The following CPXM2 variants were observed in gnomAD, a reference collection of about 807,000 sequenced individuals.
CPXM2 encodes the protein inactive carboxypeptidase-like protein X2.
CPXM2 carries 66 observed loss-of-function variants against 86.1 expected under a neutral mutation model. That is an observed-to-expected ratio of 0.77 (90% CI 0.63 to 0.94). The LOEUF (loss-of-function observed/expected upper bound fraction) is 0.94. Among genes scored for constraint, CPXM2 ranks in the 40% least tolerant of loss-of-function variants. The pLI is 0.00. For missense variants in CPXM2, 948 were observed against 1,026.3 expected, an observed-to-expected ratio of 0.92 and a Z score of 1.04; for synonymous variants, 388 against 400.2, an observed-to-expected ratio of 0.97 and a Z score of 0.36.
Position 123,904,899 on chromosome 10 carries a change from C to T in CPXM2, n.175-24590G>A, listed in dbSNP as rs79334702. On this transcript the variant is annotated intron_variant and non_coding_transcript_variant, in intron 2 of 19. Coordinates refer to the CPXM2 transcript ENST00000368854. ...ATCCCACCCACCCACCTGGAGGGCC[C>T]GAGCTCTGCATCACACCTGCATCCT... Among the ~76,000 whole-genome samples the T allele has an allele frequency of 1.7e-3, 229 of 136,860 alleles. 4 individuals carry two copies. The highest frequency in any genetic ancestry group is 3.8e-3 in the South Asian group (16 of 4,182). 89.8% of individuals were successfully genotyped at this position (136,860 alleles called of 152,430 possible).
chr10:123,844,472 C>T (rs992284107), intron 3 of CPXM2, among the ~76,000 whole-genome samples: 1 of 151,962 alleles, frequency 6.6e-6, no homozygotes, highest in African/African-American at 2.4e-5. Context: ...CACACCAATG[C>T]CCCTAACAGA....
chr10:123,940,477 C>A (rs1276249850), upstream of CPXM2, among the ~76,000 whole-genome samples: 2 of 152,188 alleles, frequency 1.3e-5, no homozygotes, highest in Admixed American at 6.5e-5. Flanking sequence ...AGGGAGCGCC[C>A]AAGCCTGGGA....
rs140682571 is a variant in CPXM2, at chr10:123,908,555, C to T, written n.175-28246G>A. On this transcript the variant is annotated intron_variant and non_coding_transcript_variant, in intron 2 of 19. Coordinates refer to the CPXM2 transcript ENST00000368854. The stretch of plus-strand genomic sequence containing the variant: ...GACAGACATGCAGATGAGGACCACC[C>T]TCCCAGGAGGTCAAGGCTACCATGG... Among the ~76,000 whole-genome samples the T allele has an allele frequency of 7.9e-5, 12 of 152,286 alleles. 1 individual carries two copies. The East Asian group carries it at 2.1e-3, about 27-fold the overall frequency.
exon 1 of CPXM2, chr10:123,940,211 C>T (rs1945761701): frequency 6.6e-6 from 1 of 152,334 alleles, no homozygotes; most frequent in Admixed American, 6.5e-5. Flanking sequence ...CCTGATGCTT[C>T]TTCTTCCCTG....
chr10:123,867,527 C>CTTTTTTTTTTTTTTTTTTTTTTTTTTT, intron 2 of CPXM2, among the ~76,000 whole-genome samples: 1 of 92,924 alleles, frequency 1.1e-5, no homozygotes, highest in Non-Finnish European at 2.1e-5. Flanking sequence ...AGATTTCTTT[C>CTTTTTTTTTTTTTTTTTTTTTTTTTTT]TTTTTTTTTT....
chr10:123,923,858 G>T (rs1945599766), intron 2 of CPXM2, among the ~76,000 whole-genome samples: 1 of 152,174 alleles, frequency 6.6e-6, no homozygotes, highest in Non-Finnish European at 1.5e-5. Flanking sequence ...GCCTCCATGT[G>T]AGACATGCCT....
At chr10:123,892,949 C>A (rs185300718), upstream of CPXM2, among the ~76,000 whole-genome samples, 486 of 152,316 alleles carry the variant, frequency 3.2e-3, 2 homozygotes, top group Middle Eastern at 0.01. Flanking sequence ...AGCTTCAAAT[C>A]GCTTCCCTTC....
At chr10:123,787,100 G>C (rs1450924361) in intron 6 of CPXM2, among the ~76,000 whole-genome samples, 1 of 152,228 alleles carries the variant, frequency 6.6e-6, no homozygotes, top group Non-Finnish European at 1.5e-5. Flanking sequence ...GGTTGGCTAA[G>C]GCTGGAGTGT....
In CPXM2 at chr10:123,891,112, C is replaced by T. The variant is rs770405629; in HGVS notation, c.304+244G>A. Among the ~76,000 whole-genome samples the T allele has an allele frequency of 6.6e-6, 1 of 152,250 alleles. No homozygotes were observed. The highest frequency in any genetic ancestry group is 1.9e-4 in the East Asian group (1 of 5,194). ...CATAGGCAGCCTCCCAATTGCACAG[C>T]TCCCTCTTTACCTAAGGGCATAAGC... On this transcript the variant is annotated intron_variant, in intron 1 of 13. Transcript: ENST00000241305. This position sits in a 1 kb window ranked among gnomAD's most constrained non-coding sequence, Gnocchi z 5.6.
In CPXM2 at chr10:123,808,356, CAAA is replaced by C. The variant is rs1177073619; in HGVS notation, c.654-9160_654-9158del. ...TAAAGAAACTCTCCAATTGGGCAAA[CAAA>C]AACAACAACAACAACAACAACAACA... On this transcript the variant is annotated intron_variant, in intron 4 of 13. Coordinates refer to ENST00000241305, the MANE Select transcript of CPXM2 (RefSeq NM_198148.3). Among the ~76,000 whole-genome samples, 14 of 138,100 alleles carry C rather than the reference CAAA, an allele frequency of 1.0e-4. No individual in the cohort carries two copies. In the East Asian group the frequency reaches 3.1e-3, roughly 30 times the overall value. The allele number at this position is 138,100 out of a possible 152,430, so 90.6% of individuals were successfully genotyped here. A position where few individuals can be genotyped will look rare whatever the true frequency, so the allele number is the denominator to read the frequency against.
Position 123,891,392 on chromosome 10 carries a change from TGG to T in CPXM2, c.266_267del (p.Pro89GlnfsTer14), listed in dbSNP as rs1293818500. 6.4e-7 allele frequency: 1 copy of T among 1,569,204 alleles called. No individual in the cohort carries two copies. Among genetic ancestry groups the T allele is most frequent in the Non-Finnish European group, 8.6e-7 (1 of 1,157,220 alleles). On this transcript the variant is annotated frameshift_variant, in exon 1 of 14. Coordinates refer to ENST00000241305, the MANE Select transcript of CPXM2 (RefSeq NM_198148.3). LOFTEE classifies it high-confidence loss of function. The surrounding 1 kb of genome is among the most constrained non-coding windows in gnomAD (Gnocchi z 5.6). ...PKRATKPKKA[P>X]KREKSAPEPP... is the part of the protein sequence containing the mutation. ...GGCTCCGGAGCCGACTTCTCCCTCTTGGGAGCTTTCTTGGGCTTGGTGGCCCT... is the reference window on the plus strand; with the variant it reads ...GGCTCCGGAGCCGACTTCTCCCTCTTGAGCTTTCTTGGGCTTGGTGGCCCT...
In CPXM2 at chr10:123,786,577, ATGGAACAC is replaced by A. The variant is rs1451713928; in HGVS notation, c.890-6330_890-6323del. 2.0e-5 allele frequency among the ~76,000 whole-genome samples: 3 copies of A among 152,310 alleles called. No individual in the cohort carries two copies. The East Asian group carries it at 5.8e-4, about 29-fold the overall frequency. On this transcript the variant is annotated intron_variant, in intron 6 of 13. Coordinates refer to ENST00000241305, the MANE Select transcript of CPXM2 (RefSeq NM_198148.3). Reference sequence around the variant, plus strand: ...AAATTCTAAGCCCCCAACTGATGGAATGGAACACCTCTTGGCCAAGAGAATCCCAGAGA... The same window carrying A: ...AAATTCTAAGCCCCCAACTGATGGAACTCTTGGCCAAGAGAATCCCAGAGA...
intron 2 of CPXM2, among the ~76,000 whole-genome samples, chr10:123,937,587 G>C (rs67250859): frequency 6.6e-6 from 1 of 151,444 alleles, no homozygotes; most frequent in East Asian, 1.9e-4. Context: ...CACTTCCAGG[G>C]ACCAAAGACC....
At chr10:123,934,296 C>T (rs573798804) in intron 2 of CPXM2, among the ~76,000 whole-genome samples, 7 of 152,244 alleles carry the variant, frequency 4.6e-5, no homozygotes, top group South Asian at 2.1e-4. Flanking sequence ...TCTGAAATGG[C>T]GGTGTCAGCA....
chr10:123,814,971 T>C (rs145680477), intron 4 of CPXM2, among the ~76,000 whole-genome samples: 1,621 of 152,196 alleles, frequency 0.011, 20 homozygotes, highest in African/African-American at 0.037. Flanking sequence ...GTTGCAGTGA[T>C]CCAAGATTGC....
chr10:123,865,154 C>T lies in CPXM2; in HGVS notation c.404-2431G>A, dbSNP rs1479264992. Among the ~76,000 whole-genome samples, 2 of 152,200 alleles carry T rather than the reference C, an allele frequency of 1.3e-5. No individual in the cohort carries two copies. Among genetic ancestry groups the T allele is most frequent in the South Asian group, 2.1e-4 (1 of 4,826 alleles). On this transcript the variant is annotated intron_variant, in intron 2 of 13. Coordinates refer to ENST00000241305, the MANE Select transcript of CPXM2 (RefSeq NM_198148.3). This position sits in a 1 kb window ranked among gnomAD's most constrained non-coding sequence, Gnocchi z 4.7. Reference sequence around the variant, plus strand: ...GTGGGGGAGCCCAGATAAACACACACGAACTTGGCCTGCTCGCAAACGTAG... The same window carrying T: ...GTGGGGGAGCCCAGATAAACACACATGAACTTGGCCTGCTCGCAAACGTAG...
chr10:123,928,532 G>A (rs1312055080), intron 2 of CPXM2, among the ~76,000 whole-genome samples: 1 of 152,198 alleles, frequency 6.6e-6, no homozygotes, highest in Non-Finnish European at 1.5e-5. Context: ...ACCAACAGAT[G>A]ATGGTAGAAA....
At position 123,891,498 on chromosome 10, in the gene CPXM2, G is replaced by T. The variant is rs1945270804; in HGVS notation, c.162C>A (p.Leu54=). The T allele has an allele frequency of 3.2e-6, 5 of 1,547,832 alleles. No individual in the cohort carries two copies. Among genetic ancestry groups the T allele is most frequent in the Non-Finnish European group, 3.5e-6 (4 of 1,145,398 alleles). ...CAGGCAGCGGCGGAGAGAAGGTCTC[G>T]AGCTCGGGCTCCGGGCGCGCGTAGT... ...EPYYARPEPE[L]ETFSPPLPAG... The change falls in exon 1 of 14, where the codon CTC becomes CTA. Residue 54 remains leucine (L), a synonymous_variant. Transcript: ENST00000241305. This position sits in a 1 kb window ranked among gnomAD's most constrained non-coding sequence, Gnocchi z 5.6.
intron 6 of CPXM2, among the ~76,000 whole-genome samples, chr10:123,785,212 C>A (rs1186648093): frequency 6.6e-6 from 1 of 152,130 alleles, no homozygotes; most frequent in Non-Finnish European, 1.5e-5. Flanking sequence ...ATGCCAAGAA[C>A]CTGGACACCC....
Sources: allele counts gnomAD v4.1 joint callset (sites outside exome capture counted in the v4.1 genomes callset), GRCh38; gene constraint gnomAD v4.1.1; non-coding constraint Gnocchi (gnomAD v3.1); transcripts MANE v1.5; gene names NCBI Gene and HGNC (gene_info 2026-07-23, HGNC 2026-07-21).